SCMH1: variants seen among roughly 807,000 people sequenced by gnomAD.
The protein encoded by SCMH1 is polycomb protein SCMH1.
SCMH1 carries 37 observed loss-of-function variants against 70.8 expected under a neutral mutation model. That is an observed-to-expected ratio of 0.52 (90% confidence interval 0.40 to 0.69). SCMH1 has a LOEUF of 0.69. Among genes scored for constraint, SCMH1 ranks in the 30% least tolerant of loss-of-function variants. The pLI, the probability that SCMH1 is intolerant of heterozygous loss-of-function variation, is 0.00. For synonymous variants in SCMH1, 292 were observed against 307.4 expected, an observed-to-expected ratio of 0.95 and a Z score of 0.52; for missense variants, 607 against 827.3, an observed-to-expected ratio of 0.73 and a Z score of 3.27.
chr1:41,030,554 A>T (rs1644376341), intron 13 of SCMH1, among the ~76,000 whole-genome samples: 4 of 152,110 alleles, frequency 2.6e-5, no homozygotes, highest in Admixed American at 2.6e-4. Flanking sequence ...CCTTCTCAAC[A>T]TTTGGTTCTT....
intron 13 of SCMH1, among the ~76,000 whole-genome samples, chr1:41,031,610 C>G (rs1644535912): frequency 6.6e-6 from 1 of 152,144 alleles, no homozygotes; most frequent in Non-Finnish European, 1.5e-5. Context: ...GAGGTGTTAA[C>G]AGATGGAAAG....
intron 6 of SCMH1, among the ~76,000 whole-genome samples, chr1:41,140,879 T>A (rs1413402005): frequency 6.6e-6 from 1 of 152,200 alleles, no homozygotes; most frequent in African/African-American, 2.4e-5. Flanking sequence ...AGTTTCCTTC[T>A]GGCAAAAGAT....
intron 5 of SCMH1, among the ~76,000 whole-genome samples, chr1:41,144,266 T>C (rs1308490608): frequency 6.6e-6 from 1 of 152,082 alleles, no homozygotes; most frequent in Non-Finnish European, 1.5e-5. Flanking sequence ...CCCATTACCC[T>C]CTCAGCCCAG....
At chr1:41,101,456 C>T (rs1349919711) in intron 8 of SCMH1, among the ~76,000 whole-genome samples, 1 of 152,118 alleles carries the variant, frequency 6.6e-6, no homozygotes, top group African/African-American at 2.4e-5. Flanking sequence ...TGATTCTTAA[C>T]CAATGTAACT....
At chr1:41,163,661 T>A (rs1646222976) in intron 2 of SCMH1, among the ~76,000 whole-genome samples, 1 of 151,860 alleles carries the variant, frequency 6.6e-6, no homozygotes, top group Non-Finnish European at 1.5e-5. Context: ...AGCTAAGGAG[T>A]GAGGCCTCAG....
chr1:41,169,824 T>C lies in SCMH1; in HGVS notation c.14-8392A>G, dbSNP rs572584050. Among the ~76,000 whole-genome samples, 5 of 152,304 alleles carry C rather than the reference T, an allele frequency of 3.3e-5. No individual in the cohort carries two copies. In the South Asian group the frequency reaches 1.0e-3, roughly 32 times the overall value. On this transcript the variant is annotated intron_variant, in intron 2 of 14. Transcript: ENST00000337495. Reference sequence around the variant, plus strand: ...GCACCCGTATAAATCTGCTGCTTTTTTCCTGCAGAGGTCTAGAGATCTGCA... The same window carrying C: ...GCACCCGTATAAATCTGCTGCTTTTCTCCTGCAGAGGTCTAGAGATCTGCA...
chr1:41,054,035 G>A (rs1445756189), intron 10 of SCMH1, among the ~76,000 whole-genome samples: 4 of 151,950 alleles, frequency 2.6e-5, no homozygotes, highest in South Asian at 2.1e-4. Flanking sequence ...TAGTAGAGAC[G>A]GGGTTTCACC....
At chr1:41,033,201 G>A (rs747519881) in intron 13 of SCMH1, among the ~76,000 whole-genome samples, 2 of 151,578 alleles carry the variant, frequency 1.3e-5, no homozygotes, top group African/African-American at 4.9e-5. Flanking sequence ...GAGGAAGATC[G>A]CTTGAGCCCA....
intron 1 of SCMH1, among the ~76,000 whole-genome samples, chr1:41,230,612 C>T (rs565812491): frequency 2.0e-5 from 3 of 151,274 alleles, no homozygotes; most frequent in Admixed American, 1.3e-4. Context: ...GAGCTATGAT[C>T]GCATCACTGC....
chr1:41,144,572 T>A (rs1644381270), intron 5 of SCMH1, among the ~76,000 whole-genome samples: 2 of 152,170 alleles, frequency 1.3e-5, no homozygotes, highest in Admixed American at 6.5e-5. Flanking sequence ...ACATTTATGG[T>A]ATATTTTTCT....
intron 8 of SCMH1, among the ~76,000 whole-genome samples, chr1:41,086,791 G>A (rs572724587): frequency 4.0e-5 from 6 of 150,636 alleles, no homozygotes; most frequent in Non-Finnish European, 8.8e-5. Flanking sequence ...CATACCTGTA[G>A]TACCACCTGC....
chr1:41,200,764 T>C (rs1654165140), intron 1 of SCMH1, among the ~76,000 whole-genome samples: 1 of 152,192 alleles, frequency 6.6e-6, no homozygotes, highest in Non-Finnish European at 1.5e-5. Flanking sequence ...ATTACGCTTC[T>C]TAGAATGGCT....
chr1:41,151,916 T>C (rs941112918), intron 4 of SCMH1, among the ~76,000 whole-genome samples: 1 of 152,190 alleles, frequency 6.6e-6, no homozygotes, highest in Non-Finnish European at 1.5e-5. Context: ...TAGGGTGTTA[T>C]TTATGTTCAT....
intron 8 of SCMH1, among the ~76,000 whole-genome samples, chr1:41,081,216 GA>G (rs971341890): frequency 1.3e-5 from 2 of 152,270 alleles, no homozygotes; most frequent in African/African-American, 4.8e-5. Context: ...ATTGATAGGG[GA>G]AATTAAAGAA....
At chr1:41,033,750 T>C (rs1001346297) in intron 13 of SCMH1, among the ~76,000 whole-genome samples, 5 of 152,208 alleles carry the variant, frequency 3.3e-5, no homozygotes, top group African/African-American at 4.8e-5. Flanking sequence ...CAAATAATTC[T>C]AGGGCCAGCC....
chr1:41,133,556 GA>G (rs1642738945), intron 6 of SCMH1, among the ~76,000 whole-genome samples: 1 of 151,814 alleles, frequency 6.6e-6, no homozygotes, highest in Admixed American at 6.6e-5. Flanking sequence ...TAATAAAGAA[GA>G]AAAGAGAGAA....
chr1:41,082,038 C>T (rs1451900874), intron 8 of SCMH1, among the ~76,000 whole-genome samples: 1 of 152,062 alleles, frequency 6.6e-6, no homozygotes, highest in African/African-American at 2.4e-5. Flanking sequence ...TTCTATTTCA[C>T]ACCAGATACA....
At chr1:41,059,082 T>TG (rs1651654537) in intron 10 of SCMH1, among the ~76,000 whole-genome samples, 4 of 152,212 alleles carry the variant, frequency 2.6e-5, no homozygotes, top group Admixed American at 1.3e-4. Flanking sequence ...ATCTGGCTAA[T>TG]GCGTAATGCT....
chr1:41,109,699 G>T (rs2147816186), intron 8 of SCMH1, among the ~76,000 whole-genome samples: 1 of 152,308 alleles, frequency 6.6e-6, no homozygotes, highest in South Asian at 2.1e-4. Flanking sequence ...ACCATCTTCT[G>T]TTGAAAATCT....
Sources: allele counts gnomAD v4.1 joint callset (sites outside exome capture counted in the v4.1 genomes callset), GRCh38; gene constraint gnomAD v4.1.1; transcripts MANE v1.5; gene names NCBI Gene and HGNC (gene_info 2026-07-23, HGNC 2026-07-21).